Variants in OTUD5 observed in about 807,000 individuals in gnomAD.
OTUD5 encodes the protein OTU domain-containing protein 5.
OTUD5 carries 2 observed loss-of-function variants against 36.3 expected under a neutral mutation model. The observed-to-expected ratio is 0.06, with a 90% confidence interval of 0.02 to 0.17. The LOEUF is 0.17. OTUD5 is among the 10% of genes least tolerant of loss of function. OTUD5 has a pLI of 1.00. For missense variants in OTUD5, 233 were observed against 512.3 expected, an observed-to-expected ratio of 0.45 and a Z score of 5.26; for synonymous variants, 234 against 214.9, an observed-to-expected ratio of 1.09 and a Z score of -0.78.
intron 5 of OTUD5, among the ~76,000 whole-genome samples, chrX:48,931,813 C>T (rs1461684141): frequency 2.9e-5 from 3 of 102,300 alleles, no homozygotes; most frequent in Middle Eastern, 5.5e-3. Context: ...AATGTTGGTT[C>T]GCACATTGTA....
chrX:48,952,991 G>T (rs2064173284), intron 1 of OTUD5, among the ~76,000 whole-genome samples: 2 of 112,198 alleles, frequency 1.8e-5, no homozygotes, highest in African/African-American at 6.5e-5. Flanking sequence ...ACCGGCCAAG[G>T]TCCAAGGTGT....
chrX:48,957,670 C>T, upstream of OTUD5: 1 of 787,202 alleles, frequency 1.3e-6, no homozygotes, highest in Non-Finnish European at 1.5e-6. Flanking sequence ...ACGACGGGAA[C>T]GGCGAGACCC....
chrX:48,955,344 T>C (rs2064218400), intron 1 of OTUD5, among the ~76,000 whole-genome samples: 2 of 111,516 alleles, frequency 1.8e-5, no homozygotes, highest in Admixed American at 9.5e-5. Context: ...ATTCAAACCC[T>C]TGGAGGTAGA....
chrX:48,946,022 G>A (rs1293684360), intron 1 of OTUD5, among the ~76,000 whole-genome samples: 1 of 111,258 alleles, frequency 9.0e-6, no homozygotes, highest in African/African-American at 3.3e-5. Context: ...TGCTCCTTGT[G>A]GACACAGGCC....
At chrX:48,947,145 G>A (rs895196506) in intron 1 of OTUD5, among the ~76,000 whole-genome samples, 3 of 112,032 alleles carry the variant, frequency 2.7e-5, no homozygotes, top group African/African-American at 9.7e-5. Flanking sequence ...TTGGGAGGCC[G>A]AGGCAGGTGG....
At chrX:48,937,889 T>C (rs1249292046) in intron 2 of OTUD5, among the ~76,000 whole-genome samples, 1 of 112,171 alleles carries the variant, frequency 8.9e-6, no homozygotes, top group African/African-American at 3.2e-5. Flanking sequence ...TCCTCATTTC[T>C]GTTGCAATTC....
rs1334794433 is a variant in OTUD5 at position 48,957,430 on chromosome X, G to A, written c.141C>T (p.Gly47=). The A allele has an allele frequency of 5.2e-5, 53 of 1,028,865 alleles. No individual in the cohort carries two copies. The highest frequency in any genetic ancestry group is 6.2e-5 in the Non-Finnish European group (50 of 809,182). 84.8% of individuals were successfully genotyped at this position (1,028,865 alleles called of 1,213,427 possible). A position where few individuals can be genotyped will look rare whatever the true frequency, so the allele number is the denominator to read the frequency against. ...CGCCGGAGTCACGGTCGCGATCGCC[G>A]CCGCCCACGCCCGTGCCGCCGCCGC... ...GVGGGGTGVG[G]GDRDRDSGVV... is the part of the protein sequence containing the mutation. The change falls in exon 1 of 9, where the codon GGC becomes GGT. Residue 47 remains glycine, a synonymous_variant. Transcript: ENST00000376488.
At chrX:48,954,650 G>C (rs968513106) in intron 1 of OTUD5, among the ~76,000 whole-genome samples, 18 of 111,778 alleles carry the variant, frequency 1.6e-4, no homozygotes, top group Non-Finnish European at 9.4e-5. Context: ...AGATTTACCT[G>C]AGCCAAGGGG....
intron 2 of OTUD5, among the ~76,000 whole-genome samples, chrX:48,942,034 C>T: frequency 9.0e-6 from 1 of 110,585 alleles, no homozygotes; most frequent in South Asian, 3.8e-4. Flanking sequence ...CCCTGGTCAG[C>T]TCTTCCTGTA....
In OTUD5 at chrX:48,922,771, G is replaced by C; in HGVS notation, c.*403C>G. 1 of 766,656 alleles carries C rather than the reference G, an allele frequency of 1.3e-6. No individual in the cohort carries two copies. Among genetic ancestry groups the C allele is most frequent in the Non-Finnish European group, 1.5e-6 (1 of 647,426 alleles). The allele number at this position is 766,656 out of a possible 1,213,427, so 63.2% of individuals were successfully genotyped here. ...CATCAGTGTCGGGGGGTGGCGGCAA[G>C]TTTTTCTCATCTTGGAAGGAATGAG... is the stretch of plus-strand genomic sequence containing the variant. On this transcript the variant is annotated 3_prime_UTR_variant, in exon 9 of 9. Transcript: ENST00000376488.
intron 1 of OTUD5, among the ~76,000 whole-genome samples, chrX:48,952,658 C>T (rs2064167770): frequency 1.8e-5 from 2 of 111,713 alleles, no homozygotes; most frequent in African/African-American, 6.5e-5. Flanking sequence ...AGCAATGAGT[C>T]CAACCTCCCT....
At chrX:48,938,277 C>T (rs782601306) in intron 2 of OTUD5, among the ~76,000 whole-genome samples, 16 of 111,547 alleles carry the variant, frequency 1.4e-4, no homozygotes, top group Middle Eastern at 4.6e-3. Flanking sequence ...ATATACATCT[C>T]CAAACCAAGG....
intron 3 of OTUD5, 35 bp from the exon 4 acceptor site, chrX:48,934,902 G>A: frequency 8.3e-7 from 1 of 1,204,770 alleles, no homozygotes; most frequent in Non-Finnish European, 1.1e-6. Context: ...GGTCTGTGTG[G>A]AGAAGAAATC....
chrX:48,957,258 C>A lies in OTUD5; in HGVS notation c.313G>T (p.Gly105Cys). 9.1e-7 allele frequency: 1 copy of A among 1,101,463 alleles called. No individual in the cohort carries two copies. Among genetic ancestry groups the A allele is most frequent in the Non-Finnish European group, 1.2e-6 (1 of 850,602 alleles). The allele number at this position is 1,101,463 out of a possible 1,213,427, so 90.8% of individuals were successfully genotyped here. ...GGACCGCCGCCGGGACCACCTGGGC[C>A]CCCGCAAGGAGGTGGAGAAGCCTGT... ...PQQASPPPCG[G>C]PGGPGGGPGD... The change falls in exon 1 of 9, where the codon GGC becomes TGC. Residue 105 changes from glycine (G) to cysteine (C), a missense_variant. Gly to Cys is a radical substitution (Grantham distance 159, BLOSUM62 -3). Transcript: ENST00000376488.
intron 1 of OTUD5, among the ~76,000 whole-genome samples, chrX:48,947,717 A>G (rs1384595598): frequency 1.8e-5 from 2 of 110,158 alleles, no homozygotes; most frequent in Non-Finnish European, 3.8e-5. Flanking sequence ...GAAAAAAAAA[A>G]AAAAGAAAAA....
intron 1 of OTUD5, among the ~76,000 whole-genome samples, chrX:48,951,957 G>A (rs2064154948): frequency 9.0e-6 from 1 of 111,083 alleles, no homozygotes; most frequent in Non-Finnish European, 1.9e-5. Context: ...TTGGGAGGCT[G>A]AGGCAGGAGA....
chrX:48,932,939 T>C (rs2063778576), intron 5 of OTUD5, among the ~76,000 whole-genome samples: 1 of 110,523 alleles, frequency 9.0e-6, no homozygotes, highest in South Asian at 3.8e-4. Context: ...TGAGCCTAGA[T>C]TGCCCCACTG....
At chrX:48,934,923 G>A in intron 3 of OTUD5, 31 bp downstream of exon 3, 1 of 1,203,121 alleles carries the variant, frequency 8.3e-7, no homozygotes. Context: ...CTCCCACCCT[G>A]CCCCTTCCCC....
At chrX:48,940,569 CCCCATGG>C (rs1569515245) in intron 2 of OTUD5, 1 of 112,059 alleles carries the variant, frequency 8.9e-6, no homozygotes, top group African/African-American at 3.2e-5. Context: ...CTTGCCACTC[CCCCATGG>C]CCCATGTAGA....
Sources: gnomAD v4.1 joint callset for allele counts (sites outside exome capture counted in the v4.1 genomes callset) on GRCh38, gnomAD v4.1.1 for gene constraint, MANE v1.5 for transcripts, NCBI Gene and HGNC (gene_info 2026-07-23, HGNC 2026-07-21) for gene names.